FBXO4: variants seen among roughly 807,000 people sequenced by gnomAD.
FBXO4 encodes F-box only protein 4.
In FBXO4, 36 loss-of-function variants were observed where a neutral mutation model predicts 43.7. The observed-to-expected ratio is 0.82, with a 90% CI of 0.63 to 1.09. The LOEUF (loss-of-function observed/expected upper bound fraction) is 1.09, where lower values mean the gene tolerates loss of function less well. FBXO4 is among the 50% of genes least tolerant of loss of function. The pLI, the probability that FBXO4 is intolerant of heterozygous loss-of-function variation, is 0.00. For missense variants in FBXO4, 435 were observed against 474.1 expected, an observed-to-expected ratio of 0.92 and a Z score of 0.77; for synonymous variants, 180 against 165.6, an observed-to-expected ratio of 1.09 and a Z score of -0.67.
the FBXO4 span, among the ~76,000 whole-genome samples, chr5:42,016,631 G>A: frequency 6.6e-6 from 1 of 151,822 alleles, no homozygotes; most frequent in Non-Finnish European, 1.5e-5. Context: ...TTGTTAAAAT[G>A]TTACTAATAT....
At chr5:42,038,968 A>T in the FBXO4 span, among the ~76,000 whole-genome samples, 2 of 152,022 alleles carry the variant, frequency 1.3e-5, no homozygotes, top group East Asian at 3.9e-4. Context: ...CTTCCTTTTC[A>T]TTTTCTATAA....
chr5:41,974,680 T>C, the FBXO4 span, among the ~76,000 whole-genome samples: 1 of 152,218 alleles, frequency 6.6e-6, no homozygotes, highest in Non-Finnish European at 1.5e-5. Context: ...ACCTTCTCTC[T>C]TAGAACTTTA....
At chr5:42,009,375 A>ATGTGTGTGTGTGTG in the FBXO4 span, among the ~76,000 whole-genome samples, 2 of 143,694 alleles carry the variant, frequency 1.4e-5, no homozygotes, top group South Asian at 4.5e-4. Flanking sequence ...GTGTGTGTGT[A>ATGTGTGTGTGTGTG]TGTGTGTGTG....
the FBXO4 span, among the ~76,000 whole-genome samples, chr5:41,995,136 C>G: frequency 6.6e-6 from 1 of 152,178 alleles, no homozygotes; most frequent in Non-Finnish European, 1.5e-5. Context: ...CCAGTGAATT[C>G]CATGAGCATA....
chr5:41,959,559 T>A, the FBXO4 span, among the ~76,000 whole-genome samples: 1 of 152,210 alleles, frequency 6.6e-6, no homozygotes, highest in Non-Finnish European at 1.5e-5. Flanking sequence ...AATTTTTGCA[T>A]GTGCTTTGAG....
the FBXO4 span, among the ~76,000 whole-genome samples, chr5:42,001,117 A>T: frequency 6.6e-6 from 1 of 152,178 alleles, no homozygotes; most frequent in Non-Finnish European, 1.5e-5. Flanking sequence ...AAACAATGTC[A>T]TTGGAATTTT....
the FBXO4 span, among the ~76,000 whole-genome samples, chr5:42,029,230 AC>A: frequency 6.6e-6 from 1 of 151,978 alleles, no homozygotes; most frequent in South Asian, 2.1e-4. Context: ...CTAGGATAAA[AC>A]TTTTTCTCAT....
chr5:41,971,972 C>T, the FBXO4 span, among the ~76,000 whole-genome samples: 5 of 152,054 alleles, frequency 3.3e-5, no homozygotes, highest in Non-Finnish European at 7.4e-5. Context: ...GACAAACCCA[C>T]AGCTAACATC....
the FBXO4 span, among the ~76,000 whole-genome samples, chr5:42,002,475 G>A: frequency 3.3e-5 from 5 of 152,112 alleles, no homozygotes; most frequent in Non-Finnish European, 2.9e-5. Flanking sequence ...TAGGAACTTT[G>A]AAATTAAGAC....
the FBXO4 span, among the ~76,000 whole-genome samples, chr5:42,002,534 T>C: frequency 1.3e-5 from 2 of 152,214 alleles, no homozygotes; most frequent in Admixed American, 6.5e-5. Flanking sequence ...AGGATTTCTT[T>C]CCCTAATATA....
chr5:42,008,514 C>A, the FBXO4 span, among the ~76,000 whole-genome samples: 1 of 152,130 alleles, frequency 6.6e-6, no homozygotes, highest in East Asian at 1.9e-4. Context: ...ATGGTCCTAA[C>A]TGTGACCCCT....
chr5:41,962,729 C>T, the FBXO4 span, among the ~76,000 whole-genome samples: 5 of 152,138 alleles, frequency 3.3e-5, no homozygotes, highest in Non-Finnish European at 7.3e-5. Context: ...CTTAGCATTC[C>T]TACCCCGGCC....
the FBXO4 span, among the ~76,000 whole-genome samples, chr5:42,022,156 T>A: frequency 4.9e-3 from 743 of 152,242 alleles, 16 homozygotes; most frequent in Non-Finnish European, 2.9e-3. Context: ...GCAGACTGTG[T>A]CCATTCACTC....
chr5:41,944,670 A>G (rs1752051444), downstream of FBXO4, among the ~76,000 whole-genome samples: 2 of 152,208 alleles, frequency 1.3e-5, no homozygotes, highest in African/African-American at 4.8e-5. Context: ...AATAAAGTTC[A>G]ATTTTTAGTG....
chr5:41,930,428 A>C (rs1183621837), intron 3 of FBXO4, among the ~76,000 whole-genome samples: 1 of 152,194 alleles, frequency 6.6e-6, no homozygotes, highest in African/African-American at 2.4e-5. Context: ...ATAGGGATGC[A>C]GATTTAGAAC....
chr5:42,027,086 C>G, the FBXO4 span, among the ~76,000 whole-genome samples: 4 of 151,790 alleles, frequency 2.6e-5, no homozygotes, highest in Admixed American at 2.6e-4. Context: ...AGCACTCCCT[C>G]CTCCTATGTT....
intron 5 of FBXO4, among the ~76,000 whole-genome samples, chr5:41,938,460 C>G (rs1046086628): frequency 6.6e-6 from 1 of 152,176 alleles, no homozygotes; most frequent in Non-Finnish European, 1.5e-5. Flanking sequence ...AATAGACGGA[C>G]AAGTCAAAAT....
the FBXO4 span, among the ~76,000 whole-genome samples, chr5:42,038,018 C>T: frequency 6.6e-6 from 1 of 152,104 alleles, no homozygotes; most frequent in Non-Finnish European, 1.5e-5. Flanking sequence ...GAAGCATGGG[C>T]AACCCTTTCA....
At chr5:42,037,599 T>A in the FBXO4 span, among the ~76,000 whole-genome samples, 1 of 152,064 alleles carries the variant, frequency 6.6e-6, no homozygotes, top group South Asian at 2.1e-4. Flanking sequence ...AGATTATAAT[T>A]CCTCTTAACT....
Sources: gnomAD v4.1 joint callset for allele counts (sites outside exome capture counted in the v4.1 genomes callset) on GRCh38, gnomAD v4.1.1 for gene constraint, MANE v1.5 for transcripts, NCBI Gene and HGNC (gene_info 2026-07-23, HGNC 2026-07-21) for gene names.